The following BTAF1 variants were observed in gnomAD, a reference collection of about 807,000 sequenced individuals.
BTAF1 encodes TATA-binding protein-associated factor 172.
BTAF1 carries 38 observed loss-of-function variants against 227.1 expected under a neutral mutation model. The ratio of observed to expected loss-of-function variants is 0.17; its 90% CI spans 0.13 to 0.22. The LOEUF is 0.22. Among genes scored for constraint, BTAF1 ranks in the 10% least tolerant of loss-of-function variants. BTAF1 has a pLI of 1.00. For missense variants in BTAF1, 1,598 were observed against 2,204.0 expected, an observed-to-expected ratio of 0.73 and a Z score of 5.51; for synonymous variants, 742 against 751.9, an observed-to-expected ratio of 0.99 and a Z score of 0.21.
intron 19 of BTAF1, among the ~76,000 whole-genome samples, chr10:91,987,210 G>T (rs537975568): frequency 6.6e-6 from 1 of 151,002 alleles, no homozygotes; most frequent in South Asian, 2.1e-4. Flanking sequence ...TAGGCCGGGC[G>T]CAGTGGCTCA....
chr10:91,956,464 TTTCA>T (rs1391286946), intron 6 of BTAF1, 60 bp from the exon 7 acceptor site: 1 of 1,467,946 alleles, frequency 6.8e-7, no homozygotes. Context: ...CTTTTATTCA[TTTCA>T]TTCATTGTGG....
chr10:91,994,736 C>T (rs889972967), intron 23 of BTAF1, 92 bp downstream of exon 23: 1 of 1,048,098 alleles, frequency 9.5e-7, no homozygotes. Context: ...GCTTTGATGT[C>T]ATCCTTATTA....
In BTAF1 at chr10:91,994,446, A is replaced by G. The variant is rs569029012; in HGVS notation, c.3200-89A>G. 20 of 877,640 alleles carry G rather than the reference A, an allele frequency of 2.3e-5. 1 individual carries two copies. The highest frequency in any genetic ancestry group is 2.0e-4 in the South Asian group (12 of 60,460). 54.4% of individuals were successfully genotyped at this position (877,640 alleles called of 1,614,324 possible). On this transcript the variant is annotated intron_variant, in intron 22 of 37. Coordinates refer to ENST00000265990, the MANE Select transcript of BTAF1 (RefSeq NM_003972.3). ...ACTAAGAAGCAAAATTGACTCTCCT[A>G]TGCTAGCTGAAAAAGTGCTAAAAGT...
chr10:92,018,663 C>A, intron 33 of BTAF1, 120 bp from the exon 34 acceptor site: 1 of 885,002 alleles, frequency 1.1e-6, no homozygotes, highest in Non-Finnish European at 1.6e-6. Context: ...GTTTGCCGAG[C>A]AAGAAGAGGG....
At chr10:91,950,709 A>G (rs1184669558) in intron 4 of BTAF1, among the ~76,000 whole-genome samples, 1 of 152,040 alleles carries the variant, frequency 6.6e-6, no homozygotes, top group East Asian at 1.9e-4. Context: ...TGGAGTAAGC[A>G]TTTGTTTGTT....
chr10:91,928,420 A>G (rs1199295318), intron 1 of BTAF1, among the ~76,000 whole-genome samples: 1 of 152,142 alleles, frequency 6.6e-6, no homozygotes, highest in African/African-American at 2.4e-5. Context: ...ACTCTTTTAA[A>G]CCCTTAGTAA....
At chr10:91,986,568 T>G (rs1848404178) in intron 19 of BTAF1, among the ~76,000 whole-genome samples, 1 of 152,104 alleles carries the variant, frequency 6.6e-6, no homozygotes, top group Admixed American at 6.5e-5. Context: ...CCCCCTGGGT[T>G]CTCTTCTTTT....
At chr10:91,937,607 A>G (rs776543178) in intron 2 of BTAF1, among the ~76,000 whole-genome samples, 2 of 152,208 alleles carry the variant, frequency 1.3e-5, no homozygotes, top group Non-Finnish European at 2.9e-5. Flanking sequence ...TTTATATTGT[A>G]GCATGTATAT....
chr10:91,939,343 A>G (rs1361755692), intron 2 of BTAF1, among the ~76,000 whole-genome samples: 1 of 152,252 alleles, frequency 6.6e-6, no homozygotes, highest in Non-Finnish European at 1.5e-5. Context: ...AATTCTTTGT[A>G]TTAAGTAATG....
intron 25 of BTAF1, 61 bp downstream of exon 25, chr10:91,997,812 T>G (rs1849242302): frequency 1.9e-6 from 3 of 1,562,830 alleles, no homozygotes; most frequent in Non-Finnish European, 2.6e-6. Flanking sequence ...CCATAATAAT[T>G]GTAACCCTTT....
At chr10:92,028,500 C>T (rs1851676837) in intron 37 of BTAF1, among the ~76,000 whole-genome samples, 1 of 152,252 alleles carries the variant, frequency 6.6e-6, no homozygotes, top group Non-Finnish European at 1.5e-5. Flanking sequence ...TGATATCTAA[C>T]TATATTTCTG....
chr10:91,994,249 G>A (rs1049416913), intron 22 of BTAF1, among the ~76,000 whole-genome samples: 18 of 151,800 alleles, frequency 1.2e-4, no homozygotes, highest in African/African-American at 3.4e-4. Context: ...GCAGTGAGCC[G>A]AGATTATGCC....
In BTAF1 at chr10:92,015,345, C is replaced by T. The variant is rs1850640954; in HGVS notation, c.4585-995C>T. ...TCTATCTTACTATTAGGATTTGATT[C>T]ACTACGGTCAAATGAATAAGAGATA... On this transcript the variant is annotated intron_variant, in intron 32 of 37. Coordinates refer to ENST00000265990, the MANE Select transcript of BTAF1 (RefSeq NM_003972.3). Among the ~76,000 whole-genome samples the T allele has an allele frequency of 3.3e-5, 5 of 152,080 alleles. No individual in the cohort carries two copies. The South Asian group carries it at 1.0e-3, about 32-fold the overall frequency.
In BTAF1 at chr10:91,982,641, T is replaced by C; in HGVS notation, c.2103T>C (p.Thr701=). The part of the protein sequence containing the change: ...CICDPGVNVV[T]QEIKPAESLG... ...GTGATCCAGGTGTAAATGTGGTAACTCAAGAAATTAAACCAGCTGAATCCC... is the reference window on the plus strand; with the variant it reads ...GTGATCCAGGTGTAAATGTGGTAACCCAAGAAATTAAACCAGCTGAATCCC... Residue 701 remains threonine, a synonymous_variant, in exon 18 of 38, where the codon ACT becomes ACC. Transcript: ENST00000265990. 6.2e-7 allele frequency: 1 copy of C among 1,613,918 alleles called. No individual in the cohort carries two copies. The highest frequency in any genetic ancestry group is 8.5e-7 in the Non-Finnish European group (1 of 1,179,894).
intron 14 of BTAF1, among the ~76,000 whole-genome samples, chr10:91,973,048 A>T (rs1392116167): frequency 6.6e-6 from 1 of 152,030 alleles, no homozygotes; most frequent in Non-Finnish European, 1.5e-5. Context: ...ATCCACTCTC[A>T]CTTTTAATTT....
intron 8 of BTAF1, among the ~76,000 whole-genome samples, chr10:91,958,112 G>A (rs1432785290): frequency 1.3e-5 from 2 of 152,016 alleles, no homozygotes; most frequent in East Asian, 3.9e-4. Context: ...GCAGTGGCAC[G>A]ATCTTGACTC....
At chr10:91,962,194 T>G (rs1422329263) in intron 11 of BTAF1, among the ~76,000 whole-genome samples, 1 of 152,244 alleles carries the variant, frequency 6.6e-6, no homozygotes, top group Non-Finnish European at 1.5e-5. Context: ...GTACCTTTTC[T>G]GTATTTAAAT....
chr10:91,928,798 A>G (rs1844059223), intron 1 of BTAF1, among the ~76,000 whole-genome samples: 1 of 122,064 alleles, frequency 8.2e-6, no homozygotes, highest in Non-Finnish European at 1.6e-5. Flanking sequence ...GCAACCTGAG[A>G]TGGATTTCTT....
chr10:91,966,947 T>C (rs2133923146), intron 14 of BTAF1, among the ~76,000 whole-genome samples, 190 bp downstream of exon 14: 1 of 152,348 alleles, frequency 6.6e-6, no homozygotes, highest in South Asian at 2.1e-4. Context: ...TTCTAGATTG[T>C]ATTCTCACCA....
Sources: gnomAD v4.1 joint callset for allele counts (sites outside exome capture counted in the v4.1 genomes callset) on GRCh38, gnomAD v4.1.1 for gene constraint, MANE v1.5 for transcripts, NCBI Gene and HGNC (gene_info 2026-07-23, HGNC 2026-07-21) for gene names.